LTBP2: variants seen among roughly 807,000 people sequenced by gnomAD.
LTBP2 encodes latent-transforming growth factor beta-binding protein 2.
In LTBP2, 103 loss-of-function variants were observed where a neutral mutation model predicts 210.6. That is an observed-to-expected ratio of 0.49 (90% CI 0.42 to 0.58). LTBP2 has a LOEUF of 0.58. Among genes scored for constraint, LTBP2 ranks in the 20% least tolerant of loss-of-function variants. The pLI is 0.00. For synonymous variants in LTBP2, 1,007 were observed against 1,015.0 expected (o/e 0.99, Z 0.15); for missense variants, 2,313 against 2,494.5 (o/e 0.93, Z 1.55).
chr14:74,510,540 AT>A lies in LTBP2; in HGVS notation c.3029-328del, dbSNP rs552137421. ...GTGTCCAAGACCCTTGACTTCCCTCATTGTGTGTGCCAGGAACCCTACATGA... is the reference window on the plus strand; with the variant it reads ...GTGTCCAAGACCCTTGACTTCCCTCATGTGTGTGCCAGGAACCCTACATGA... On this transcript the variant is annotated intron_variant, in intron 19 of 35. Transcript: ENST00000261978. 5.9e-5 allele frequency among the ~76,000 whole-genome samples: 9 copies of A among 152,316 alleles called. No individual in the cohort carries two copies. In the South Asian group the frequency reaches 1.9e-3, roughly 32 times the overall value.
At chr14:74,581,759 T>C (rs74065450) in intron 3 of LTBP2, among the ~76,000 whole-genome samples, 6,751 of 152,150 alleles carry the variant, frequency 0.044, 386 homozygotes, top group African/African-American at 0.13. Flanking sequence ...CAGAAATAAA[T>C]GTGTGTTGTT....
chr14:74,535,479 G>A (rs1334322876), intron 9 of LTBP2, among the ~76,000 whole-genome samples: 1 of 152,166 alleles, frequency 6.6e-6, no homozygotes, highest in Non-Finnish European at 1.5e-5. Context: ...CAAGCGGGAG[G>A]GAAGCCTGAG....
intron 3 of LTBP2, among the ~76,000 whole-genome samples, 199 bp from the exon 4 acceptor site, chr14:74,555,892 T>C (rs1265790580): frequency 6.6e-6 from 1 of 152,218 alleles, no homozygotes; most frequent in Non-Finnish European, 1.5e-5. Flanking sequence ...GCTAGTTTTG[T>C]AGAAATACCA....
At chr14:74,611,102 C>T (rs889024299) in intron 1 of LTBP2, among the ~76,000 whole-genome samples, 1 of 152,244 alleles carries the variant, frequency 6.6e-6, no homozygotes, top group African/African-American at 2.4e-5. Context: ...GCCCTCTCCC[C>T]GCTGCCTCTC....
intron 27 of LTBP2, 145 bp downstream of exon 27, chr14:74,506,553 T>C: frequency 7.4e-7 from 1 of 1,348,330 alleles, no homozygotes; most frequent in Non-Finnish European, 1.0e-6. Context: ...GGCGAGGAGT[T>C]GAAGTCTCCC....
intron 18 of LTBP2, 33 bp from the exon 19 acceptor site, chr14:74,511,397 C>G: frequency 5.0e-6 from 8 of 1,613,470 alleles, no homozygotes; most frequent in Non-Finnish European, 5.9e-6. Context: ...TTGGTCATCC[C>G]TGGGAACATA....
intron 18 of LTBP2, 36 bp from the exon 19 acceptor site, chr14:74,511,400 G>A: frequency 1.2e-6 from 2 of 1,613,426 alleles, no homozygotes; most frequent in Non-Finnish European, 1.7e-6. Flanking sequence ...GTCATCCCTG[G>A]GAACATAGCA....
intron 4 of LTBP2, among the ~76,000 whole-genome samples, chr14:74,555,023 A>G (rs2087711156): frequency 6.6e-6 from 1 of 151,778 alleles, no homozygotes; most frequent in South Asian, 2.1e-4. Context: ...TGGAGGGAGA[A>G]AATGTCCAGG....
At chr14:74,578,448 C>A (rs1368246044) in intron 3 of LTBP2, among the ~76,000 whole-genome samples, 1 of 152,160 alleles carries the variant, frequency 6.6e-6, no homozygotes, top group Non-Finnish European at 1.5e-5. Flanking sequence ...GTGAGGGCAT[C>A]AGGATTTACA....
chr14:74,540,823 T>TATATATA (rs1222994895), intron 8 of LTBP2, among the ~76,000 whole-genome samples: 1 of 7,990 alleles, frequency 1.3e-4, no homozygotes, highest in Non-Finnish European at 5.1e-3. Flanking sequence ...TATATATATT[T>TATATATA]TTATATAATA....
At chr14:74,529,144 G>C in intron 10 of LTBP2, 22 bp from the exon 11 acceptor site, 2 of 1,551,130 alleles carry the variant, frequency 1.3e-6, no homozygotes, top group Non-Finnish European at 8.7e-7. Context: ...ACAGCACGTG[G>C]AGGTGGGCAG....
In LTBP2 at chr14:74,552,351, C is replaced by T; in HGVS notation, c.1235G>A (p.Gly412Asp). The T allele has an allele frequency of 1.2e-6, 2 of 1,611,682 alleles. No individual in the cohort carries two copies. The highest frequency in any genetic ancestry group is 1.1e-5 in the South Asian group (1 of 91,088). Residue 412 changes from glycine to aspartate, a missense_variant, in exon 6 of 36, where the codon GGC becomes GAC. By Grantham distance (94) the Gly-to-Asp change is moderately conservative. Coordinates refer to ENST00000261978, the MANE Select transcript of LTBP2 (RefSeq NM_000428.3). ...IPCLNGGRCI[G>D]RDECWCPANS... ...GGCGGGGCACCAGCATTCGTCCCTGCCGATGCAGCGGCCTCCGTTCAGGCA... is the reference window on the plus strand; with the variant it reads ...GGCGGGGCACCAGCATTCGTCCCTGTCGATGCAGCGGCCTCCGTTCAGGCA...
chr14:74,604,406 C>T (rs2088495576), intron 1 of LTBP2, among the ~76,000 whole-genome samples: 1 of 152,122 alleles, frequency 6.6e-6, no homozygotes, highest in African/African-American at 2.4e-5. Flanking sequence ...TTAAGAGGTG[C>T]TTACAAGGTG....
chr14:74,522,605 G>A (rs1005688389), intron 16 of LTBP2, among the ~76,000 whole-genome samples, 185 bp downstream of exon 16: 3 of 152,072 alleles, frequency 2.0e-5, no homozygotes, highest in Admixed American at 6.6e-5. Context: ...GGGGCTCACC[G>A]AGACTGGTCT....
chr14:74,610,406 G>A (rs1595307758), intron 1 of LTBP2, among the ~76,000 whole-genome samples: 1 of 152,364 alleles, frequency 6.6e-6, no homozygotes, highest in South Asian at 2.1e-4. Context: ...CGCCAAGGCT[G>A]CGAAGTGCAA....
chr14:74,551,024 C>G, intron 7 of LTBP2, 40 bp downstream of exon 7: 2 of 1,612,690 alleles, frequency 1.2e-6, no homozygotes, highest in Non-Finnish European at 1.7e-6. Context: ...AACTGCCATC[C>G]TGGAAGCATC....
chr14:74,573,140 A>G (rs767936591), intron 3 of LTBP2, among the ~76,000 whole-genome samples: 4 of 152,204 alleles, frequency 2.6e-5, no homozygotes, highest in Non-Finnish European at 4.4e-5. Flanking sequence ...TTCCAAGCCA[A>G]GCTGGATGTT....
chr14:74,561,184 G>C (rs757697809), intron 3 of LTBP2, among the ~76,000 whole-genome samples: 6 of 152,208 alleles, frequency 3.9e-5, no homozygotes, highest in Middle Eastern at 3.4e-3. Flanking sequence ...CGGGCGTGGT[G>C]GTGGGCACCT....
intron 27 of LTBP2, 83 bp downstream of exon 27, chr14:74,506,615 C>T (rs1055487685): frequency 3.8e-5 from 61 of 1,592,624 alleles, no homozygotes; most frequent in Middle Eastern, 2.0e-4. Flanking sequence ...GATGGAGCCA[C>T]GTGACCAGGA....
Sources: allele counts gnomAD v4.1 joint callset (sites outside exome capture counted in the v4.1 genomes callset), GRCh38; gene constraint gnomAD v4.1.1; transcripts MANE v1.5; gene names NCBI Gene and HGNC (gene_info 2026-07-23, HGNC 2026-07-21).